RALYL: variants seen among roughly 807,000 people sequenced by gnomAD.
RALYL encodes RNA-binding Raly-like protein.
In RALYL, 29 loss-of-function variants were observed where a neutral mutation model predicts 35.1. The ratio of observed to expected loss-of-function variants is 0.83; its 90% confidence interval spans 0.61 to 1.13. The LOEUF (loss-of-function observed/expected upper bound fraction) is 1.13. Ranked by LOEUF, RALYL falls within the 50% of genes most tolerant of loss-of-function variation. The pLI is 0.00. For missense variants in RALYL, 359 were observed against 360.4 expected (o/e 1.00, Z 0.03); for synonymous variants, 120 against 127.6 (o/e 0.94, Z 0.40).
chr8:84,683,641 G>A (rs1487526921), intron 2 of RALYL, among the ~76,000 whole-genome samples: 1 of 152,094 alleles, frequency 6.6e-6, no homozygotes, highest in Non-Finnish European at 1.5e-5. Flanking sequence ...AGACGCTTTT[G>A]TGTAGAAGCT....
chr8:84,383,496 G>A (rs543206487), intron 1 of RALYL, among the ~76,000 whole-genome samples: 145 of 151,608 alleles, frequency 9.6e-4, no homozygotes, highest in African/African-American at 3.4e-3. Flanking sequence ...AAAGAAAAGA[G>A]TATGTTTGGA....
At chr8:84,306,553 A>G (rs984154913) in intron 1 of RALYL, among the ~76,000 whole-genome samples, 1 of 152,098 alleles carries the variant, frequency 6.6e-6, no homozygotes, top group African/African-American at 2.4e-5. Context: ...ACTTCAGGAA[A>G]GTGCCTGGGA....
chr8:84,692,872 T>C (rs1033354514), intron 2 of RALYL, among the ~76,000 whole-genome samples: 1 of 151,874 alleles, frequency 6.6e-6, no homozygotes, highest in African/African-American at 2.4e-5. Context: ...AAGGGAGACA[T>C]GGTAATGGAT....
intron 2 of RALYL, among the ~76,000 whole-genome samples, chr8:84,659,938 C>T (rs1486904591): frequency 1.3e-5 from 2 of 152,104 alleles, no homozygotes; most frequent in African/African-American, 2.4e-5. Flanking sequence ...TCAGTAAATA[C>T]TGTCTATATG....
At chr8:84,558,641 G>C (rs2061287427) in intron 2 of RALYL, among the ~76,000 whole-genome samples, 1 of 151,830 alleles carries the variant, frequency 6.6e-6, no homozygotes, top group African/African-American at 2.4e-5. Flanking sequence ...CAATTATGAG[G>C]GTTTTTTTCT....
chr8:84,478,146 A>AT (rs2053631622), intron 1 of RALYL, among the ~76,000 whole-genome samples: 3 of 152,124 alleles, frequency 2.0e-5, no homozygotes, highest in Non-Finnish European at 4.4e-5. Context: ...AATATTGTAG[A>AT]TTTTTTAAAT....
At chr8:84,595,018 C>T (rs2130621683) in intron 2 of RALYL, among the ~76,000 whole-genome samples, 1 of 152,114 alleles carries the variant, frequency 6.6e-6, no homozygotes, top group Non-Finnish European at 1.5e-5. Context: ...TATATAACCA[C>T]CCACATACAG....
chr8:84,810,310 A>T (rs1450537007), intron 4 of RALYL, among the ~76,000 whole-genome samples: 1 of 151,992 alleles, frequency 6.6e-6, no homozygotes, highest in Non-Finnish European at 1.5e-5. Flanking sequence ...TTCCTTTTTG[A>T]GTTGATTTCC....
chr8:84,735,813 A>C (rs943978258), intron 2 of RALYL, among the ~76,000 whole-genome samples: 71 of 81,510 alleles, frequency 8.7e-4, no homozygotes, highest in East Asian at 1.4e-3. Context: ...CCAAACCGCG[A>C]GAGAGAGAGA....
intron 2 of RALYL, among the ~76,000 whole-genome samples, chr8:84,748,596 A>G (rs1052007330): frequency 6.6e-6 from 1 of 152,134 alleles, no homozygotes; most frequent in Non-Finnish European, 1.5e-5. Context: ...TGAAGCTAAC[A>G]GTAAAACATC....
intron 1 of RALYL, among the ~76,000 whole-genome samples, chr8:84,195,142 A>G (rs1284585309): frequency 6.6e-6 from 1 of 152,034 alleles, no homozygotes; most frequent in Non-Finnish European, 1.5e-5. Flanking sequence ...AGTCTTCCAT[A>G]ATGTCTCTTC....
At chr8:84,615,469 AG>A (rs57804666) in intron 2 of RALYL, among the ~76,000 whole-genome samples, 29,667 of 151,442 alleles carry the variant, frequency 0.2, 3,295 homozygotes, top group Non-Finnish European at 0.23. Context: ...TGCTCAATAA[AG>A]GTATTGCAGA....
At chr8:84,586,589 G>A (rs1279981750) in intron 2 of RALYL, among the ~76,000 whole-genome samples, 1 of 152,050 alleles carries the variant, frequency 6.6e-6, no homozygotes, top group Non-Finnish European at 1.5e-5. Flanking sequence ...CTGATACTTA[G>A]GATCCACAGA....
intron 4 of RALYL, among the ~76,000 whole-genome samples, chr8:84,834,107 A>C (rs752251668): frequency 3.9e-5 from 6 of 152,240 alleles, no homozygotes; most frequent in Non-Finnish European, 8.8e-5. Flanking sequence ...TGCATGAACT[A>C]TGAAAAACAT....
chr8:84,357,864 C>T (rs1852186730), intron 1 of RALYL, among the ~76,000 whole-genome samples: 1 of 149,574 alleles, frequency 6.7e-6, no homozygotes, highest in Non-Finnish European at 1.5e-5. Context: ...AAATGGTTAA[C>T]TGGCTTACCT....
At chr8:84,422,044 A>C (rs199931628) in intron 1 of RALYL, among the ~76,000 whole-genome samples, 3,029 of 152,216 alleles carry the variant, frequency 0.02, 210 homozygotes, top group Admixed American at 0.14. Flanking sequence ...CTTTGGTATC[A>C]GGATGATGCT....
chr8:84,825,439 G>A (rs1829465714), intron 4 of RALYL, among the ~76,000 whole-genome samples: 1 of 152,136 alleles, frequency 6.6e-6, no homozygotes, highest in African/African-American at 2.4e-5. Context: ...GCAGTCCGGA[G>A]ATTTTTCAAA....
At chr8:84,585,485 A>C (rs1207405674) in intron 2 of RALYL, among the ~76,000 whole-genome samples, 6 of 152,194 alleles carry the variant, frequency 3.9e-5, no homozygotes, top group Non-Finnish European at 8.8e-5. Context: ...TTTGTTAATA[A>C]AGGAAGTACA....
intron 1 of RALYL, among the ~76,000 whole-genome samples, chr8:84,318,533 A>G (rs1844190083): frequency 6.6e-6 from 1 of 152,190 alleles, no homozygotes; most frequent in African/African-American, 2.4e-5. Context: ...TTGGCAAATT[A>G]TCGTGTGATG....
Sources: gnomAD v4.1 joint callset for allele counts (sites outside exome capture counted in the v4.1 genomes callset) on GRCh38, gnomAD v4.1.1 for gene constraint, MANE v1.5 for transcripts, NCBI Gene and HGNC (gene_info 2026-07-23, HGNC 2026-07-21) for gene names.